ASPM: variants seen among roughly 807,000 people sequenced by gnomAD.
ASPM encodes the protein abnormal spindle-like microcephaly-associated protein.
Under a neutral mutation model 366.4 loss-of-function variants are expected in ASPM, and 256 were observed. The observed-to-expected ratio is 0.70, with a 90% confidence interval of 0.63 to 0.77. The LOEUF is 0.77. Ranked by LOEUF, ASPM falls within the 30% of genes least tolerant of loss-of-function variation. The probability of loss-of-function intolerance (pLI) is 0.00; values close to 1 mark genes in which losing one functional copy is unlikely to be tolerated. For missense variants in ASPM, 4,146 were observed against 4,090.4 expected, an observed-to-expected ratio of 1.01 and a Z score of -0.37; for synonymous variants, 1,414 against 1,342.9, an observed-to-expected ratio of 1.05 and a Z score of -1.16.
chr1:197,123,860 A>G (rs150642292), intron 13 of ASPM, among the ~76,000 whole-genome samples: 1 of 152,228 alleles, frequency 6.6e-6, no homozygotes, highest in Non-Finnish European at 1.5e-5. Context: ...GTTCTATGCA[A>G]GCATCTTCTA....
chr1:197,143,962 T>C lies in ASPM; in HGVS notation c.436A>G (p.Lys146Glu). 3 of 1,606,158 alleles carry C rather than the reference T, an allele frequency of 1.9e-6. No homozygotes were observed. The highest frequency in any genetic ancestry group is 4.5e-5 in the East Asian group (2 of 44,704). ...LLGNAEEQKK[K>E]KRSLWDTIKK... ...CAGAATGGTTAAAACATTACCTTTTTCTTTTTCTGCTCTTCTGCATTTCCT... is the reference window on the plus strand; with the variant it reads ...CAGAATGGTTAAAACATTACCTTTTCCTTTTTCTGCTCTTCTGCATTTCCT... The change falls in exon 2 of 28, where the codon AAA becomes GAA. Residue 146 changes from lysine to glutamate, a missense_variant. Transcript: ENST00000367409.
chr1:197,115,686 G>A (rs1430056285), intron 17 of ASPM, among the ~76,000 whole-genome samples: 1 of 152,156 alleles, frequency 6.6e-6, no homozygotes, highest in Non-Finnish European at 1.5e-5. Context: ...TCCATGACCA[G>A]GAGTACTGTC....
Position 197,121,967 on chromosome 1 carries a change from A to G in ASPM, c.3818T>C (p.Ile1273Thr). 6.2e-7 allele frequency: 1 copy of G among 1,611,624 alleles called. No homozygotes were observed. The highest frequency in any genetic ancestry group is 8.5e-7 in the Non-Finnish European group (1 of 1,177,992). ...TTTATATTTTCTCCATGTTGTTTGT[A>G]TGAGTCGAGCAGCTCTTATTTCTTT... ...LRKEIRAARL[I>T]QTTWRKYKLK... Residue 1273 changes from isoleucine (I) to threonine (T), a missense_variant, in exon 16 of 28, where the codon ATA becomes ACA. Ile to Thr is a moderately conservative substitution (Grantham distance 89). Transcript: ENST00000367409.
chr1:197,108,749 T>C (rs1386527932), intron 17 of ASPM, among the ~76,000 whole-genome samples: 2 of 151,922 alleles, frequency 1.3e-5, no homozygotes, highest in African/African-American at 4.8e-5. Context: ...GGCAGGAGGA[T>C]GACTAGAGCC....
intron 27 of ASPM, 110 bp from the exon 28 acceptor site, chr1:197,084,536 C>A: frequency 1.4e-6 from 1 of 723,984 alleles, no homozygotes; most frequent in South Asian, 1.6e-5. Flanking sequence ...ACATCATTTC[C>A]CTTACAAACT....
rs777855254 is a variant in ASPM, at chr1:197,146,125, T to TC, written c.297+15dup. The TC allele has an allele frequency of 1.3e-5, 21 of 1,613,814 alleles. No homozygotes were observed. In the African/African-American group the frequency reaches 2.4e-4, roughly 18 times the overall value. Reference sequence around the variant, plus strand: ...AGCAGAACACCGGCCTGGAGCACGCTCCTCCTGAGACCTACCTGCAACACG... The same window carrying TC: ...AGCAGAACACCGGCCTGGAGCACGCTCCCTCCTGAGACCTACCTGCAACACG... On this transcript the variant is annotated intron_variant, in intron 1 of 27. Coordinates refer to ENST00000367409, the MANE Select transcript of ASPM (RefSeq NM_018136.5).
At chr1:197,139,219 C>A in intron 4 of ASPM, 1 of 925,626 alleles carries the variant, frequency 1.1e-6, no homozygotes. Flanking sequence ...ACTTGGAAAA[C>A]TCCCCAAGGC....
intron 21 of ASPM, 59 bp from the exon 22 acceptor site, chr1:197,092,115 G>GTT (rs202011814): frequency 5.3e-6 from 8 of 1,505,510 alleles, no homozygotes; most frequent in Admixed American, 1.7e-5. Context: ...ATCAATGAGT[G>GTT]TTTTTTTTTG....
rs1433900912 is a variant in ASPM, at chr1:197,100,751, CCA to C, written c.8498_8499del (p.Leu2833ArgfsTer38). 1 of 1,612,332 alleles carries C rather than the reference CCA, an allele frequency of 6.2e-7. No individual in the cohort carries two copies. Among genetic ancestry groups the C allele is most frequent in the Non-Finnish European group, 8.5e-7 (1 of 1,179,100 alleles). On this transcript the variant is annotated frameshift_variant, in exon 18 of 28. Transcript: ENST00000367409. LOFTEE classifies it high-confidence loss of function. ...KAFCRMVTRK[L>X]ETQKCAALRI... ...CGTAGGGCAGCACATTTCTGTGTTTCCAGTTTTCTTGTGACCATTCTACAAAA... is the reference window on the plus strand; with the variant it reads ...CGTAGGGCAGCACATTTCTGTGTTTCGTTTTCTTGTGACCATTCTACAAAA...
intron 1 of ASPM, among the ~76,000 whole-genome samples, chr1:197,145,015 T>C (rs1571632668): frequency 6.6e-6 from 1 of 152,012 alleles, no homozygotes; most frequent in Non-Finnish European, 1.5e-5. Context: ...AGAAAAGAAA[T>C]CTGTCTTTCC....
At chr1:197,117,068 A>G (rs1657756456) in intron 17 of ASPM, among the ~76,000 whole-genome samples, 1 of 152,052 alleles carries the variant, frequency 6.6e-6, no homozygotes, top group Admixed American at 6.6e-5. Flanking sequence ...TATGTGTAAT[A>G]TTTTACATGT....
At position 197,142,586 on chromosome 1, in the gene ASPM, T is replaced by C. The variant is rs756904112; in HGVS notation, c.1666A>G (p.Lys556Glu). ...PIIDPILSKS[K>E]SYKNEVTPSS... ...GGTGTTACCTCGTTTTTATAACTCT[T>C]AGATTTACTTAATATTGGATCTATA... is the stretch of plus-strand genomic sequence containing the variant. Residue 556 changes from lysine to glutamate, a missense_variant, in exon 3 of 28, where the codon AAG becomes GAG. Transcript: ENST00000367409. The C allele has an allele frequency of 2.5e-6, 4 of 1,613,664 alleles. No individual in the cohort carries two copies. The South Asian group carries it at 3.3e-5, about 13-fold the overall frequency.
chr1:197,135,206 T>C lies in ASPM; in HGVS notation c.2063A>G (p.Asn688Ser). 1 of 1,613,968 alleles carries C rather than the reference T, an allele frequency of 6.2e-7. No individual in the cohort carries two copies. The highest frequency in any genetic ancestry group is 8.5e-7 in the Non-Finnish European group (1 of 1,179,906). ...PRHPMPFAAK[N>S]MFYDERWKEK... ...CTTCCAGCGTTCATCATAAAACATG[T>C]TTTTTGCAGCAAATGGCATCGGGTG... is the stretch of plus-strand genomic sequence containing the variant. The change falls in exon 5 of 28, where the codon AAC (asparagine) becomes AGC (serine). Residue 688 changes from asparagine (N) to serine (S), a missense_variant. Around this residue, in one of 3 missense-constraint regions of ASPM, gnomAD observed 3,624 missense variants for 3,591.7 expected, o/e 1.01. Coordinates refer to ENST00000367409, the MANE Select transcript of ASPM (RefSeq NM_018136.5).
At chr1:197,088,099 G>T in intron 26 of ASPM, 157 bp downstream of exon 26, 1 of 712,166 alleles carries the variant, frequency 1.4e-6, no homozygotes, top group Non-Finnish European at 2.3e-6. Context: ...ACAACTCATA[G>T]ATACATCCTG....
At chr1:197,145,445 C>T (rs967426372) in intron 1 of ASPM, among the ~76,000 whole-genome samples, 3 of 152,024 alleles carry the variant, frequency 2.0e-5, no homozygotes, top group Middle Eastern at 3.4e-3. Context: ...ACATACTACA[C>T]GTATATATTG....
In ASPM at chr1:197,101,016, A is replaced by T. The variant is rs1236652659; in HGVS notation, c.8235T>A (p.Ile2745=). 6.2e-7 allele frequency: 1 copy of T among 1,612,360 alleles called. No homozygotes were observed. The highest frequency in any genetic ancestry group is 1.1e-5 in the South Asian group (1 of 91,042). Residue 2745 remains isoleucine, a synonymous_variant, in exon 18 of 28, where the codon ATT becomes ATA. Transcript: ENST00000367409. ...CTTTCATGCCTCTAAAAGCAGCCTG[A>T]ATAGTTCGTACAGATTTCTGAACTG... is the stretch of plus-strand genomic sequence containing the variant. ...FLAVQKSVRT[I]QAAFRGMKVR...
In ASPM at chr1:197,142,811, G is replaced by A. The variant is rs771429312; in HGVS notation, c.1441C>T (p.His481Tyr). ...CTCTTAGGTTGTTTATTGTGGCTAT[G>A]ACTAGAAATATCCTGAACTGCAGAA... ...KFSAVQDISS[H>Y]SHNKQPKRRP... Residue 481 changes from histidine (H) to tyrosine (Y), a missense_variant, in exon 3 of 28, where the codon CAT becomes TAT. His to Tyr is a moderately conservative substitution (Grantham distance 83). Transcript: ENST00000367409. The A allele has an allele frequency of 1.9e-6, 3 of 1,613,542 alleles. No homozygotes were observed. The highest frequency in any genetic ancestry group is 2.5e-6 in the Non-Finnish European group (3 of 1,179,548).
Position 197,121,889 on chromosome 1 carries a change from A to T in ASPM, c.3870+26T>A, listed in dbSNP as rs756278356. 39 of 1,579,340 alleles carry T rather than the reference A, an allele frequency of 2.5e-5. No homozygotes were observed. In the South Asian group the frequency reaches 3.9e-4, roughly 16 times the overall value. On this transcript the variant is annotated intron_variant, in intron 16 of 27. Coordinates refer to ENST00000367409, the MANE Select transcript of ASPM (RefSeq NM_018136.5). The stretch of plus-strand genomic sequence containing the variant: ...TACCTTCTAAAGTATAATTCACACT[A>T]TAGTAGTTTCATATTCTAGGAGTAC...
chr1:197,088,839 A>C (rs1004046300), intron 25 of ASPM, among the ~76,000 whole-genome samples: 4 of 152,034 alleles, frequency 2.6e-5, no homozygotes, highest in African/African-American at 9.7e-5. Context: ...CTAATTAGTT[A>C]CTCTATTACA....
Sources: gnomAD v4.1 joint callset for allele counts (sites outside exome capture counted in the v4.1 genomes callset) on GRCh38, gnomAD v4.1.1 for gene constraint, gnomAD v4.1.1 regional missense constraint, MANE v1.5 for transcripts, NCBI Gene and HGNC (gene_info 2026-07-23, HGNC 2026-07-21) for gene names.